Variants in CCL14 observed in about 807,000 individuals in gnomAD.
CCL14 encodes C-C motif chemokine 14.
Under a neutral mutation model 8.2 loss-of-function variants are expected in CCL14, and 8 were observed. The observed-to-expected ratio is 0.98, with a 90% CI of 0.57 to 1.76. CCL14 has a LOEUF of 1.76. Among genes scored for constraint, CCL14 ranks in the 40% most tolerant of loss-of-function variants. The pLI is 0.00. For synonymous variants in CCL14, 50 were observed against 43.2 expected, an observed-to-expected ratio of 1.16 and a Z score of -0.62; for missense variants, 127 against 118.3, an observed-to-expected ratio of 1.07 and a Z score of -0.34.
At chr17:35,985,566 G>A in intron 1 of CCL14, 6 of 608,068 alleles carry the variant, frequency 9.9e-6, no homozygotes, top group Non-Finnish European at 2.9e-6. Context: ...GTGGCCAGAT[G>A]TCTGGGTGGA....
chr17:35,985,902 C>T (rs1163545290), intron 1 of CCL14: 2 of 889,810 alleles, frequency 2.2e-6, no homozygotes, highest in Non-Finnish European at 3.6e-6. Context: ...TAGGATGGAC[C>T]CCACACTGTC....
intron 1 of CCL14, chr17:35,985,926 G>T (rs760370504): frequency 2.9e-5 from 21 of 734,696 alleles, no homozygotes; most frequent in Admixed American, 4.9e-5. Context: ...TTTCCCCCCA[G>T]CCCATACCCA....
chr17:35,983,734 A>G lies in CCL14; in HGVS notation c.*67T>C, dbSNP rs1432992752. Reference sequence around the variant, plus strand: ...GGGGCTGAGAGTTAGCGGTGGGTGGAGGAGGGGGCCTTGGCATCTTCTCTT... The same window carrying G: ...GGGGCTGAGAGTTAGCGGTGGGTGGGGGAGGGGGCCTTGGCATCTTCTCTT... On this transcript the variant is annotated 3_prime_UTR_variant, in exon 3 of 3. Transcript: ENST00000618404. 2 of 1,100,434 alleles carry G rather than the reference A, an allele frequency of 1.8e-6. No individual in the cohort carries two copies. The highest frequency in any genetic ancestry group is 2.8e-6 in the Non-Finnish European group (2 of 712,230). The allele number at this position is 1,100,434 out of a possible 1,614,324, so 68.2% of individuals were successfully genotyped here. A position where few individuals can be genotyped will look rare whatever the true frequency, so the allele number is the denominator to read the frequency against.
chr17:35,985,898 G>T, intron 1 of CCL14: 1 of 926,924 alleles, frequency 1.1e-6, no homozygotes, highest in Non-Finnish European at 1.7e-6. Flanking sequence ...GGCCTAGGAT[G>T]GACCCCACAC....
rs2089777559 is a variant in CCL14, at chr17:35,986,639, G to A, written c.11C>T (p.Ser4Phe). The part of the protein sequence containing the change: MKI[S>F]VAAIPFFLLI... ...GAGGAAGAAGGGAATGGCAGCCACG[G>A]AGATCTTCATGCTGTGGGAAGCTGT... The change falls in exon 1 of 3, where the codon TCC becomes TTC. Residue 4 changes from serine (S) to phenylalanine (F), a missense_variant. Transcript: ENST00000618404. 5 of 1,613,904 alleles carry A rather than the reference G, an allele frequency of 3.1e-6. No individual in the cohort carries two copies. Among genetic ancestry groups the A allele is most frequent in the Non-Finnish European group, 4.2e-6 (5 of 1,179,896 alleles).
intron 1 of CCL14, chr17:35,986,020 G>A: frequency 1.8e-6 from 1 of 565,604 alleles, no homozygotes. Context: ...AAATGCCCTT[G>A]AGGGGCTCAA....
chr17:35,985,439 G>A, intron 1 of CCL14: 1 of 379,198 alleles, frequency 2.6e-6, no homozygotes, highest in Non-Finnish European at 4.7e-6. Flanking sequence ...CAAGAGCCCT[G>A]TACAAACAGG....
At chr17:35,985,891 C>CCCCT in intron 1 of CCL14, 2 of 983,856 alleles carry the variant, frequency 2.0e-6, no homozygotes, top group Non-Finnish European at 3.1e-6. Context: ...AAAAGGGGGC[C>CCCCT]TAGGATGGAC....
chr17:35,986,022 G>A, intron 1 of CCL14: 2 of 564,292 alleles, frequency 3.5e-6, no homozygotes, highest in South Asian at 2.4e-5. Flanking sequence ...ATGCCCTTGA[G>A]GGGCTCAAGA....
chr17:35,986,147 T>G, intron 1 of CCL14: 1 of 370,034 alleles, frequency 2.7e-6, no homozygotes, highest in South Asian at 4.8e-5. Flanking sequence ...TCTCACTCCA[T>G]GTCCTTGAGG....
At chr17:35,983,985 A>G (rs1393375052) in intron 2 of CCL14, 97 bp from the exon 3 acceptor site, 1 of 894,098 alleles carries the variant, frequency 1.1e-6, no homozygotes, top group African/African-American at 1.6e-5. Flanking sequence ...CACCTGACCT[A>G]TACTGCTTTT....
At chr17:35,985,812 G>A (rs1220064460) in intron 1 of CCL14, 1 of 1,546,420 alleles carries the variant, frequency 6.5e-7, no homozygotes, top group Admixed American at 2.0e-5. Context: ...AGGAGAGTAG[G>A]TAAAATGGAA....
At chr17:35,984,643 C>T in intron 1 of CCL14, 191 bp from the exon 2 acceptor site, 1 of 597,046 alleles carries the variant, frequency 1.7e-6, no homozygotes, top group South Asian at 2.0e-5. Context: ...TTCTTTTTCT[C>T]CTCCCTCATC....
Position 35,983,754 on chromosome 17 carries a change from T to C in CCL14, c.*47A>G. The C allele has an allele frequency of 1.4e-6, 2 of 1,383,704 alleles. No homozygotes were observed. Among genetic ancestry groups the C allele is most frequent in the Non-Finnish European group, 1.0e-6 (1 of 969,874 alleles). The allele number at this position is 1,383,704 out of a possible 1,614,324, so 85.7% of individuals were successfully genotyped here. On this transcript the variant is annotated 3_prime_UTR_variant, in exon 3 of 3. Transcript: ENST00000618404. ...GGTGGAGGAGGGGGCCTTGGCATCT[T>C]CTCTTTATGTCTCTGAGCTGTGCCT...
intron 1 of CCL14, 146 bp from the exon 2 acceptor site, chr17:35,984,598 C>T: frequency 1.6e-6 from 1 of 629,288 alleles, no homozygotes; most frequent in South Asian, 1.8e-5. Context: ...CTTTCCTCAT[C>T]TTCTCTTCTC....
In CCL14 at chr17:35,984,559, GC is replaced by G. The variant is rs764801757; in HGVS notation, c.80-108del. The stretch of plus-strand genomic sequence containing the variant: ...GGAGGAGGGAAGGAAGGAGGAGACA[GC>G]CCCTCAGAACTTGGAGGGGAGAGTA... On this transcript the variant is annotated intron_variant, in intron 1 of 2. Transcript: ENST00000618404. 5 of 727,322 alleles carry G rather than the reference GC, an allele frequency of 6.9e-6. No individual in the cohort carries two copies. The South Asian group carries it at 7.4e-5, about 11-fold the overall frequency. The allele number at this position is 727,322 out of a possible 1,614,324, so 45.1% of individuals were successfully genotyped here. A position where few individuals can be genotyped will look rare whatever the true frequency, so the allele number is the denominator to read the frequency against.
Position 35,986,585 on chromosome 17 carries a change from G to T in CCL14, c.65C>A (p.Thr22Asn). The T allele has an allele frequency of 1.2e-6, 2 of 1,613,618 alleles. No individual in the cohort carries two copies. The highest frequency in any genetic ancestry group is 1.7e-6 in the Non-Finnish European group (2 of 1,179,598). The change falls in exon 1 of 3, where the codon ACT (threonine) becomes AAT (asparagine). Residue 22 changes from threonine to asparagine, a missense_variant. Transcript: ENST00000618404. ...ATTGCACTCACGTGAGGAGGATTCAGTCTTGGTCCCTAGGGCGATGGTGAT... is the reference window on the plus strand; with the variant it reads ...ATTGCACTCACGTGAGGAGGATTCATTCTTGGTCCCTAGGGCGATGGTGAT... ...LLITIALGTKTESSSRGPYHP... is the reference protein window; with the variant it reads ...LLITIALGTKNESSSRGPYHP...
chr17:35,986,177 G>C (rs1027583869), intron 1 of CCL14: 7 of 356,034 alleles, frequency 2.0e-5, no homozygotes, highest in Non-Finnish European at 3.5e-5. Context: ...GACTGGTCCT[G>C]GGGGGCAATG....
chr17:35,984,367 G>A lies in CCL14; in HGVS notation c.165C>T (p.Thr55=). The part of the protein sequence containing the change: ...PRQRIMDYYE[T]NSQCSKPGIV... ...TTCCGGGCTTGGAGCACTGGCTGTTGGTCTCATAGTAATCCATAATCCGCT... is the reference window on the plus strand; with the variant it reads ...TTCCGGGCTTGGAGCACTGGCTGTTAGTCTCATAGTAATCCATAATCCGCT... Residue 55 remains threonine (T), a synonymous_variant, in exon 2 of 3, where the codon ACC becomes ACT. Transcript: ENST00000618404. The A allele has an allele frequency of 6.2e-7, 1 of 1,613,620 alleles. No homozygotes were observed. Among genetic ancestry groups the A allele is most frequent in the Non-Finnish European group, 8.5e-7 (1 of 1,179,712 alleles).
Sources: allele counts gnomAD v4.1 joint callset, GRCh38; gene constraint gnomAD v4.1.1; transcripts MANE v1.5; gene names NCBI Gene and HGNC (gene_info 2026-07-23, HGNC 2026-07-21).